POF1B: variants seen among roughly 807,000 people sequenced by gnomAD.
POF1B encodes the protein protein POF1B.
In POF1B, 53 loss-of-function variants were observed where a neutral mutation model predicts 55.3. That is an observed-to-expected ratio of 0.96 (90% CI 0.77 to 1.20). POF1B has a LOEUF of 1.20. Among genes scored for constraint, POF1B ranks in the 50% most tolerant of loss-of-function variants. The probability of loss-of-function intolerance (pLI) is 0.00; values close to 1 mark genes in which losing one functional copy is unlikely to be tolerated. For synonymous variants in POF1B, 188 were observed against 148.3 expected, an observed-to-expected ratio of 1.27 and a Z score of -1.95; for missense variants, 478 against 420.5, an observed-to-expected ratio of 1.14 and a Z score of -1.20.
At position 85,308,129 on chromosome X, in the gene POF1B, T is replaced by G. The variant is rs363774; in HGVS notation, c.1045A>C (p.Met349Leu). ...REELGHLQND[M>L]TSLENDKMRL... ...AAAATCAAAATAAATCTTACTGTCA[T>G]ATCATTTTGAAGATGTCCAAGCTCC... Residue 349 changes from methionine to leucine, a missense_variant, in exon 10 of 17, where the codon ATG becomes CTG. Physicochemically the swap from Met to Leu is conservative, Grantham distance 15 (BLOSUM62 2). Coordinates refer to ENST00000262753, the MANE Select transcript of POF1B (RefSeq NM_024921.4). The G allele has an allele frequency of 8.5e-7, 1 of 1,178,831 alleles. No individual in the cohort carries two copies. Among genetic ancestry groups the G allele is most frequent in the Non-Finnish European group, 1.1e-6 (1 of 871,834 alleles).
intron 15 of POF1B, among the ~76,000 whole-genome samples, chrX:85,286,351 G>T (rs1005121529): frequency 7.3e-5 from 8 of 109,578 alleles, no homozygotes; most frequent in African/African-American, 2.7e-4. Flanking sequence ...GAAACATGAA[G>T]AAATAATTCA....
rs1933975606 is a variant in POF1B at position 85,379,398 on chromosome X, G to C, written c.57C>G (p.Leu19=). 7 of 1,207,183 alleles carry C rather than the reference G, an allele frequency of 5.8e-6. No homozygotes were observed. In the African/African-American group the frequency reaches 1.1e-4, roughly 18 times the overall value. Residue 19 remains leucine, a synonymous_variant, in exon 2 of 17, where the codon CTC becomes CTG. Coordinates refer to ENST00000262753, the MANE Select transcript of POF1B (RefSeq NM_024921.4). ...TSSSSCGTQQ[L]PEVLQCQPQH... ...GGGGCTGGCACTGCAGCACCTCTGG[G>C]AGCTGCTGGGTTCCACAGCTGCTGC...
rs779896953 is a variant in POF1B at position 85,305,804 on chromosome X, ATCTC to A, written c.1420_1423del (p.Glu474SerfsTer4). 3 of 1,209,069 alleles carry A rather than the reference ATCTC, an allele frequency of 2.5e-6. No homozygotes were observed. The highest frequency in any genetic ancestry group is 3.4e-6 in the Non-Finnish European group (3 of 893,943). ...GGATCAACATACCCTCAGTCTGCAGATCTCTCTATCTTTCTCCATTCTCAAGTTT... is the reference window on the plus strand; with the variant it reads ...GGATCAACATACCCTCAGTCTGCAGATCTATCTTTCTCCATTCTCAAGTTT... On this transcript the variant is annotated frameshift_variant, in exon 13 of 17. Transcript: ENST00000262753. LOFTEE classifies it high-confidence loss of function.
intron 6 of POF1B, among the ~76,000 whole-genome samples, chrX:85,332,774 C>T (rs1207224320): frequency 9.0e-6 from 1 of 111,288 alleles, no homozygotes; most frequent in Non-Finnish European, 1.9e-5. Flanking sequence ...GTAGTATCAT[C>T]ACATTTTTGT....
chrX:85,336,629 A>C (rs1933079066), intron 6 of POF1B, among the ~76,000 whole-genome samples: 2 of 111,172 alleles, frequency 1.8e-5, no homozygotes, highest in South Asian at 7.5e-4. Flanking sequence ...CTCTACTCAG[A>C]TATTTGGCCC....
rs200666516 is a variant in POF1B at position 85,341,533 on chromosome X, G to A, written c.723+4327C>T. On this transcript the variant is annotated intron_variant, in intron 6 of 16. Coordinates refer to ENST00000262753, the MANE Select transcript of POF1B (RefSeq NM_024921.4). ...TGCAGAGGTTGCAGAAGACAGATAA[G>A]GTAGTGTTGGGAAAAGATAGGCCCC... Among the ~76,000 whole-genome samples the A allele has an allele frequency of 3.6e-5, 4 of 111,050 alleles. No homozygotes were observed. The East Asian group carries it at 1.1e-3, about 32-fold the overall frequency.
Position 85,346,939 on chromosome X carries a change from T to C in POF1B, c.541-897A>G, listed in dbSNP as rs534652273. ...ATGACAAACTTGGGACTGGAACCCA[T>C]GATTTCCAGCTTAGACTTCTTTTAG... On this transcript the variant is annotated intron_variant, in intron 5 of 16. Transcript: ENST00000262753. 3.8e-4 allele frequency among the ~76,000 whole-genome samples: 42 copies of C among 111,317 alleles called. No individual in the cohort carries two copies. In the South Asian group the frequency reaches 0.015, roughly 40 times the overall value.
intron 8 of POF1B, 117 bp downstream of exon 8, chrX:85,315,590 A>T: frequency 1.7e-6 from 1 of 573,504 alleles, no homozygotes; most frequent in Non-Finnish European, 2.5e-6. Flanking sequence ...AAATTTTTTC[A>T]CTTACCTGCA....
chrX:85,341,986 A>G (rs1435180362), intron 6 of POF1B, among the ~76,000 whole-genome samples: 2 of 111,378 alleles, frequency 1.8e-5, no homozygotes, highest in African/African-American at 6.5e-5. Flanking sequence ...AGAGTTGCAC[A>G]CACACTATAT....
At chrX:85,362,601 G>A (rs772422628) in intron 3 of POF1B, among the ~76,000 whole-genome samples, 15 of 111,592 alleles carry the variant, frequency 1.3e-4, no homozygotes, top group Non-Finnish European at 2.6e-4. Flanking sequence ...CCTATCTGAC[G>A]GTGGTGGATT....
chrX:85,322,412 T>C (rs920247009), intron 7 of POF1B, among the ~76,000 whole-genome samples: 1 of 111,167 alleles, frequency 9.0e-6, no homozygotes, highest in African/African-American at 3.3e-5. Context: ...TGAAACTGGA[T>C]CCCTTCCTTA....
chrX:85,367,131 A>T, intron 3 of POF1B, among the ~76,000 whole-genome samples: 1 of 111,043 alleles, frequency 9.0e-6, no homozygotes, highest in Non-Finnish European at 1.9e-5. Flanking sequence ...CTTCGAATTT[A>T]CTTTTTGATA....
chrX:85,323,277 G>C (rs1932859219), intron 7 of POF1B, among the ~76,000 whole-genome samples: 1 of 111,043 alleles, frequency 9.0e-6, no homozygotes, highest in African/African-American at 3.3e-5. Context: ...AAAAAATGAT[G>C]AGTTCATGTC....
At chrX:85,296,211 A>C (rs1394564579) in intron 15 of POF1B, among the ~76,000 whole-genome samples, 1 of 111,449 alleles carries the variant, frequency 9.0e-6, no homozygotes, top group Non-Finnish European at 1.9e-5. Flanking sequence ...ATGTCTTTTA[A>C]GTGGGGCATT....
chrX:85,379,570 C>T (rs974491253), intron 1 of POF1B, 69 bp downstream of exon 1: 2 of 799,742 alleles, frequency 2.5e-6, no homozygotes, highest in African/African-American at 4.2e-5. Context: ...GACAGACACA[C>T]GACACACGTG....
At chrX:85,341,003 A>G (rs913470100) in intron 6 of POF1B, among the ~76,000 whole-genome samples, 11 of 111,492 alleles carry the variant, frequency 9.9e-5, no homozygotes, top group Admixed American at 8.6e-4. Flanking sequence ...CAATAATAAT[A>G]TAAACACTGA....
At chrX:85,364,258 G>T (rs1933677203) in intron 3 of POF1B, among the ~76,000 whole-genome samples, 1 of 110,695 alleles carries the variant, frequency 9.0e-6, no homozygotes, top group Non-Finnish European at 1.9e-5. Context: ...TTCAACTTTG[G>T]TATTGAAATG....
chrX:85,301,027 A>G (rs1267744073), intron 15 of POF1B, among the ~76,000 whole-genome samples: 1 of 112,155 alleles, frequency 8.9e-6, no homozygotes, highest in Non-Finnish European at 1.9e-5. Flanking sequence ...ACAGAGCCTC[A>G]GAACATTCTG....
chrX:85,290,094 AGCCCTTGCCT>A (rs1288368731), intron 15 of POF1B, among the ~76,000 whole-genome samples: 35 of 111,247 alleles, frequency 3.1e-4, no homozygotes, highest in Middle Eastern at 4.7e-3. Context: ...ATAGTTTTTC[AGCCCTTGCCT>A]GCCGCCATCT....
Sources: allele counts gnomAD v4.1 joint callset (sites outside exome capture counted in the v4.1 genomes callset), GRCh38; gene constraint gnomAD v4.1.1; transcripts MANE v1.5; gene names NCBI Gene and HGNC (gene_info 2026-07-23, HGNC 2026-07-21).